Variants in ODAD2 observed in about 807,000 individuals in gnomAD.
The protein encoded by ODAD2 is outer dynein arm-docking complex subunit 2.
ODAD2 carries 89 observed loss-of-function variants against 106.8 expected under a neutral mutation model. The ratio of observed to expected loss-of-function variants is 0.83; its 90% CI spans 0.70 to 0.99. The LOEUF is 0.99. Among genes scored for constraint, ODAD2 ranks in the 50% least tolerant of loss-of-function variants. ODAD2 has a pLI of 0.00. For missense variants in ODAD2, 1,168 were observed against 1,238.5 expected, an observed-to-expected ratio of 0.94 and a Z score of 0.85; for synonymous variants, 404 against 436.2, an observed-to-expected ratio of 0.93 and a Z score of 0.92.
intron 19 of ODAD2, among the ~76,000 whole-genome samples, chr10:27,817,182 C>T (rs1836202610): frequency 1.3e-5 from 2 of 152,012 alleles, no homozygotes; most frequent in African/African-American, 4.8e-5. Context: ...ACAGAGTAGC[C>T]ACTCTCTTTG....
At chr10:27,947,721 G>T (rs983972247) in intron 10 of ODAD2, among the ~76,000 whole-genome samples, 1 of 152,102 alleles carries the variant, frequency 6.6e-6, no homozygotes, top group African/African-American at 2.4e-5. Flanking sequence ...TATTTAGGCG[G>T]AGGCTTCAGA....
chr10:27,991,525 C>T (rs931948667), intron 2 of ODAD2, among the ~76,000 whole-genome samples: 6 of 152,116 alleles, frequency 3.9e-5, no homozygotes, highest in African/African-American at 1.4e-4. Context: ...TTGACTGTTG[C>T]CCACAGTGCA....
intron 17 of ODAD2, among the ~76,000 whole-genome samples, chr10:27,864,633 T>C (rs1302528113): frequency 3.5e-5 from 5 of 140,996 alleles, no homozygotes; most frequent in African/African-American, 1.3e-4. Flanking sequence ...GAGGGGAGAG[T>C]GAGGAGTGGG....
In ODAD2 at chr10:27,987,483, A is replaced by G; in HGVS notation, c.285T>C (p.Ser95=). The change falls in exon 3 of 20, where the codon TCT becomes TCC. Residue 95 remains serine, a synonymous_variant. Transcript: ENST00000305242. The stretch of plus-strand genomic sequence containing the variant: ...AGCTCCTAATTTTAATTTGTGGTAC[A>G]GAGAGAAATAGCAAAGGCTGTCCAT... ...DKNGQPLLFL[S]VPQIKIRSFG... is the part of the protein sequence containing the mutation. 6.2e-7 allele frequency: 1 copy of G among 1,613,824 alleles called. No homozygotes were observed. The highest frequency in any genetic ancestry group is 1.3e-5 in the African/African-American group (1 of 75,050).
intron 16 of ODAD2, among the ~76,000 whole-genome samples, chr10:27,922,657 G>A (rs1277489127): frequency 1.3e-5 from 2 of 152,166 alleles, no homozygotes; most frequent in Non-Finnish European, 2.9e-5. Flanking sequence ...TGTAATCCCA[G>A]CACTTTGGAA....
intron 2 of ODAD2, among the ~76,000 whole-genome samples, 183 bp downstream of exon 2, chr10:27,994,733 AAAG>A (rs1301791445): frequency 6.6e-6 from 1 of 152,154 alleles, no homozygotes; most frequent in African/African-American, 2.4e-5. Context: ...TAAAACTTAG[AAAG>A]ATACTGTGTT....
Position 27,936,774 on chromosome 10 carries a change from A to G in ODAD2, c.2204T>C (p.Val735Ala). 1.2e-6 allele frequency: 2 copies of G among 1,614,092 alleles called. No homozygotes were observed. The highest frequency in any genetic ancestry group is 1.7e-6 in the Non-Finnish European group (2 of 1,179,950). Residue 735 changes from valine to alanine, a missense_variant, in exon 15 of 20, where the codon GTC becomes GCC. By Grantham distance (64) the Val-to-Ala change is moderately conservative. Transcript: ENST00000305242. ...NTDNKERLAA[V>A]TGAIWKCSIS... ...GGAACATTTCCATATAGCCCCTGTG[A>G]CAGCAGCTAACCGCTCTTTATTGTC...
chr10:27,846,958 G>T (rs890502688), intron 19 of ODAD2, among the ~76,000 whole-genome samples: 3 of 152,132 alleles, frequency 2.0e-5, no homozygotes, highest in African/African-American at 4.8e-5. Flanking sequence ...AAAATTCCAG[G>T]ATCAGATGGA....
intron 10 of ODAD2, among the ~76,000 whole-genome samples, chr10:27,953,906 A>T (rs1847537840): frequency 6.6e-6 from 1 of 152,178 alleles, no homozygotes; most frequent in African/African-American, 2.4e-5. Context: ...AAACATCAGC[A>T]GCCACAACCA....
intron 17 of ODAD2, among the ~76,000 whole-genome samples, chr10:27,884,922 A>G (rs1408589614): frequency 6.6e-6 from 1 of 152,140 alleles, no homozygotes; most frequent in African/African-American, 2.4e-5. Context: ...AGGCTCAGAA[A>G]CTTGTTAATT....
intron 16 of ODAD2, among the ~76,000 whole-genome samples, chr10:27,914,590 A>T (rs940408504): frequency 6.6e-6 from 1 of 152,118 alleles, no homozygotes; most frequent in Admixed American, 6.6e-5. Context: ...ATATATGTTT[A>T]ATCTGTTCCC....
At chr10:27,955,994 T>C (rs146233674) in intron 10 of ODAD2, among the ~76,000 whole-genome samples, 2 of 152,180 alleles carry the variant, frequency 1.3e-5, no homozygotes, top group South Asian at 2.1e-4. Context: ...ACCAGGCATC[T>C]GGTGGCCTGA....
intron 16 of ODAD2, among the ~76,000 whole-genome samples, chr10:27,923,341 G>A (rs1844927702): frequency 6.6e-6 from 1 of 151,948 alleles, no homozygotes; most frequent in Non-Finnish European, 1.5e-5. Context: ...TAAGAAAGCA[G>A]GGATAAATAT....
intron 17 of ODAD2, among the ~76,000 whole-genome samples, chr10:27,877,678 C>A (rs754705513): frequency 2.0e-5 from 3 of 152,190 alleles, no homozygotes; most frequent in Non-Finnish European, 4.4e-5. Context: ...TGGGCAAATT[C>A]ACCACATTTT....
At chr10:27,849,616 T>A (rs3004196) in intron 19 of ODAD2, among the ~76,000 whole-genome samples, 149,191 of 152,178 alleles carry the variant, frequency 0.98, 73,134 homozygotes, top group East Asian at 1. Context: ...GAGCTCCCCA[T>A]GGAAAACTTA....
chr10:27,829,613 ATAT>A (rs745737537), intron 19 of ODAD2, among the ~76,000 whole-genome samples: 70 of 152,324 alleles, frequency 4.6e-4, no homozygotes, highest in Non-Finnish European at 7.4e-4. Flanking sequence ...AACCTAAAAC[ATAT>A]TATCGTAAAA....
chr10:27,940,840 T>C, intron 12 of ODAD2, 35 bp from the exon 13 acceptor site: 2 of 1,594,258 alleles, frequency 1.3e-6, no homozygotes, highest in African/African-American at 1.3e-5. Context: ...TTCATGGAAA[T>C]CTTAAAAAGA....
intron 19 of ODAD2, among the ~76,000 whole-genome samples, chr10:27,813,766 A>C (rs1416956960): frequency 6.6e-6 from 1 of 152,212 alleles, no homozygotes; most frequent in African/African-American, 2.4e-5. Flanking sequence ...TGACATGATC[A>C]TATTTGTATT....
intron 19 of ODAD2, chr10:27,836,102 G>A (rs1446171160): frequency 6.5e-6 from 1 of 153,070 alleles, no homozygotes; most frequent in Non-Finnish European, 1.5e-5. Flanking sequence ...AGAGTCAGAA[G>A]GAAATCTGCA....
Sources: gnomAD v4.1 joint callset for allele counts (sites outside exome capture counted in the v4.1 genomes callset) on GRCh38, gnomAD v4.1.1 for gene constraint, MANE v1.5 for transcripts, NCBI Gene and HGNC (gene_info 2026-07-23, HGNC 2026-07-21) for gene names.